Variants in OBI1 observed in about 807,000 individuals in gnomAD.
The protein encoded by OBI1 is ORC ubiquitin ligase 1.
A neutral mutation model predicts 62.4 loss-of-function variants in OBI1; 59 were observed. That is an observed-to-expected ratio of 0.95 (90% confidence interval 0.77 to 1.17). The LOEUF is 1.17. Ranked by LOEUF, OBI1 falls within the 50% of genes most tolerant of loss-of-function variation. OBI1 has a pLI of 0.00. For synonymous variants in OBI1, 302 were observed against 292.8 expected, an observed-to-expected ratio of 1.03 and a Z score of -0.32; for missense variants, 875 against 830.9, an observed-to-expected ratio of 1.05 and a Z score of -0.65.
At chr13:78,629,080 A>T (rs577066337) in intron 5 of OBI1, among the ~76,000 whole-genome samples, 1 of 152,294 alleles carries the variant, frequency 6.6e-6, no homozygotes, top group South Asian at 2.1e-4. Flanking sequence ...CTTCCTCTTC[A>T]GAACACTTCT....
chr13:78,653,817 C>T (rs1876615827), intron 1 of OBI1, among the ~76,000 whole-genome samples: 1 of 152,114 alleles, frequency 6.6e-6, no homozygotes, highest in Non-Finnish European at 1.5e-5. Flanking sequence ...TTCTTTCTTG[C>T]ACCTTGTCAA....
intron 5 of OBI1, among the ~76,000 whole-genome samples, chr13:78,628,906 G>A (rs892403776): frequency 1.3e-5 from 2 of 152,142 alleles, no homozygotes; most frequent in Non-Finnish European, 2.9e-5. Context: ...AGGAGAGAAT[G>A]TGAGGTCAAA....
intron 5 of OBI1, among the ~76,000 whole-genome samples, chr13:78,620,365 T>C (rs1425626452): frequency 6.6e-6 from 1 of 152,214 alleles, no homozygotes. Context: ...ATTTCTAATA[T>C]CATTTACCAT....
In OBI1 at chr13:78,617,039, T is replaced by C; in HGVS notation, c.722A>G (p.Glu241Gly). ...RETNRLKKAL[E>G]RSDKYIEELE... ...TTCCTCTATATACTTATCACTTCGT[T>C]CCAGGGCTTTCTTGAGGCGATTGGT... Residue 241 changes from glutamate (E) to glycine (G), a missense_variant, in exon 6 of 6, where the codon GAA becomes GGA. Glu to Gly is a moderately conservative substitution (Grantham distance 98). Transcript: ENST00000282003. The C allele has an allele frequency of 6.2e-7, 1 of 1,613,578 alleles. No individual in the cohort carries two copies. The highest frequency in any genetic ancestry group is 8.5e-7 in the Non-Finnish European group (1 of 1,179,848).
At chr13:78,626,562 C>G (rs1346123785) in intron 5 of OBI1, among the ~76,000 whole-genome samples, 1 of 152,070 alleles carries the variant, frequency 6.6e-6, no homozygotes, top group Admixed American at 6.6e-5. Context: ...AAACCAACAA[C>G]TGGGCTAGAT....
At chr13:78,651,903 T>C (rs115612146) in intron 1 of OBI1, among the ~76,000 whole-genome samples, 14 of 152,244 alleles carry the variant, frequency 9.2e-5, no homozygotes, top group African/African-American at 2.9e-4. Context: ...AAGGCTGAGA[T>C]AACAATCCTA....
intron 3 of OBI1, among the ~76,000 whole-genome samples, chr13:78,640,191 TA>T (rs749852212): frequency 0.012 from 1,761 of 143,022 alleles, 19 homozygotes; most frequent in African/African-American, 0.036. Flanking sequence ...GGGGCCGGGT[TA>T]AAAAAAAAAA....
chr13:78,632,805 C>T (rs1875893492), intron 5 of OBI1, among the ~76,000 whole-genome samples: 1 of 152,164 alleles, frequency 6.6e-6, no homozygotes, highest in Non-Finnish European at 1.5e-5. Flanking sequence ...TACCTCAATG[C>T]ATTGCAAATT....
intron 3 of OBI1, among the ~76,000 whole-genome samples, chr13:78,641,413 G>C (rs989372639): frequency 2.6e-5 from 4 of 152,074 alleles, no homozygotes; most frequent in Admixed American, 1.3e-4. Flanking sequence ...CACCTTCCAT[G>C]TACACAGTTA....
At chr13:78,621,426 T>G (rs1875508729) in intron 5 of OBI1, among the ~76,000 whole-genome samples, 1 of 152,176 alleles carries the variant, frequency 6.6e-6, no homozygotes, top group African/African-American at 2.4e-5. Flanking sequence ...CACTGTGCAT[T>G]TACCTGTTTT....
In OBI1 at chr13:78,635,706, T is replaced by C. The variant is rs1274280156; in HGVS notation, c.550-508A>G. ...CTTCAAAAAGGCTTTTCCAACGTTC[T>C]GGCTCACAACTTCTAGGGCCCTCAA... On this transcript the variant is annotated intron_variant, in intron 4 of 5. Transcript: ENST00000282003. Among the ~76,000 whole-genome samples the C allele has an allele frequency of 2.6e-5, 4 of 152,190 alleles. No homozygotes were observed. In the East Asian group the frequency reaches 7.7e-4, roughly 29 times the overall value.
chr13:78,649,379 G>A (rs1019432815), intron 1 of OBI1, among the ~76,000 whole-genome samples: 6 of 152,118 alleles, frequency 3.9e-5, no homozygotes, highest in African/African-American at 1.4e-4. Context: ...GAGAGGCAGC[G>A]GCCAGATAAG....
Position 78,616,011 on chromosome 13 carries a change from C to G in OBI1, c.1750G>C (p.Glu584Gln), listed in dbSNP as rs1002431007. The part of the protein sequence containing the change: ...SEFLEEPDKL[E>Q]EKTELNLSKG... ...GAAAGGTTTAGCTCAGTTTTTTCTT[C>G]CAACTTATCAGGTTCCTCAAGAAAT... is the stretch of plus-strand genomic sequence containing the variant. The change falls in exon 6 of 6, where the codon GAA becomes CAA. Residue 584 changes from glutamate to glutamine, a missense_variant. Physicochemically the swap from Glu to Gln is conservative, Grantham distance 29. Transcript: ENST00000282003. 1 of 1,614,082 alleles carries G rather than the reference C, an allele frequency of 6.2e-7. No individual in the cohort carries two copies. Among genetic ancestry groups the G allele is most frequent in the Non-Finnish European group, 8.5e-7 (1 of 1,180,012 alleles).
At position 78,642,218 on chromosome 13, in the gene OBI1, A is replaced by AG. The variant is rs1876239277; in HGVS notation, c.209-6dup. On this transcript the variant is annotated splice_polypyrimidine_tract_variant and splice_region_variant and intron_variant, in intron 2 of 5. Coordinates refer to ENST00000282003, the MANE Select transcript of OBI1 (RefSeq NM_024546.4). ...GTTCACTTTCACTTGTTCCTCCTGT[A>AG]GGGAAAAAAAAAAAAATCCTAATTT... 2 of 1,517,168 alleles carry AG rather than the reference A, an allele frequency of 1.3e-6. No homozygotes were observed. The highest frequency in any genetic ancestry group is 1.8e-6 in the Non-Finnish European group (2 of 1,104,950). 94.0% of individuals were successfully genotyped at this position (1,517,168 alleles called of 1,614,324 possible).
chr13:78,645,681 C>T (rs563926456), intron 1 of OBI1, among the ~76,000 whole-genome samples: 4 of 151,862 alleles, frequency 2.6e-5, no homozygotes, highest in East Asian at 3.9e-4. Context: ...GACGGAGTCT[C>T]GCTCTGTTAC....
chr13:78,620,302 G>T (rs1380782177), intron 5 of OBI1, among the ~76,000 whole-genome samples: 2 of 152,182 alleles, frequency 1.3e-5, no homozygotes, highest in Non-Finnish European at 2.9e-5. Context: ...ACTAATTCTA[G>T]ATATTTGGAG....
Position 78,656,401 on chromosome 13 carries a change from G to A in OBI1, c.72+2648C>T, listed in dbSNP as rs138413554. Among the ~76,000 whole-genome samples, 1,117 of 152,056 alleles carry A rather than the reference G, an allele frequency of 7.3e-3. 9 individuals carry two copies. Among genetic ancestry groups the A allele is most frequent in the African/African-American group, 0.026 (1,085 of 41,462 alleles). ...AGTTCAAGACCAGCCTGACCAACAT[G>A]GAGAAACCCCGTCTCTACCAAAAAT... On this transcript the variant is annotated intron_variant, in intron 1 of 5. Coordinates refer to ENST00000282003, the MANE Select transcript of OBI1 (RefSeq NM_024546.4).
At chr13:78,644,768 A>T in intron 2 of OBI1, 94 bp downstream of exon 2, 1 of 1,368,550 alleles carries the variant, frequency 7.3e-7, no homozygotes, top group Non-Finnish European at 1.0e-6. Flanking sequence ...AAATAGCATC[A>T]CTGAAAATAG....
intron 1 of OBI1, among the ~76,000 whole-genome samples, chr13:78,655,646 C>A (rs554906511): frequency 2.0e-5 from 3 of 152,206 alleles, no homozygotes; most frequent in Non-Finnish European, 4.4e-5. Flanking sequence ...TCATCTCTCC[C>A]CCTTCATGGT....
Sources: gnomAD v4.1 joint callset for allele counts (sites outside exome capture counted in the v4.1 genomes callset) on GRCh38, gnomAD v4.1.1 for gene constraint, MANE v1.5 for transcripts, NCBI Gene and HGNC (gene_info 2026-07-23, HGNC 2026-07-21) for gene names.